Variants in BCAR3 observed in about 807,000 individuals in gnomAD.
BCAR3 encodes BCAR3 adaptor protein, NSP family member.
Under a neutral mutation model 80.1 loss-of-function variants are expected in BCAR3, and 37 were observed. The observed-to-expected ratio is 0.46, with a 90% CI of 0.36 to 0.61. The LOEUF (loss-of-function observed/expected upper bound fraction) is 0.61, where lower values mean the gene tolerates loss of function less well. Among genes scored for constraint, BCAR3 ranks in the 20% least tolerant of loss-of-function variants. The pLI is 0.00. For synonymous variants in BCAR3, 389 were observed against 418.9 expected, an observed-to-expected ratio of 0.93 and a Z score of 0.87; for missense variants, 978 against 1,068.2, an observed-to-expected ratio of 0.92 and a Z score of 1.18.
At chr1:93,815,427 A>T (rs1653982395) in intron 2 of BCAR3, among the ~76,000 whole-genome samples, 1 of 152,212 alleles carries the variant, frequency 6.6e-6, no homozygotes, top group East Asian at 1.9e-4. Flanking sequence ...GAACAGAGGC[A>T]TTTGCAGTAG....
intron 4 of BCAR3, among the ~76,000 whole-genome samples, chr1:93,590,808 C>A (rs999604622): frequency 2.0e-5 from 3 of 152,146 alleles, no homozygotes; most frequent in African/African-American, 7.2e-5. Context: ...ATTAGAAACA[C>A]CCTATGTGTC....
chr1:93,785,788 T>C (rs1652915050), intron 2 of BCAR3, among the ~76,000 whole-genome samples: 1 of 152,254 alleles, frequency 6.6e-6, no homozygotes, highest in Admixed American at 6.5e-5. Flanking sequence ...ACACTTTTTC[T>C]ATCAAATGGT....
At chr1:93,658,482 A>G (rs536625017) in intron 2 of BCAR3, among the ~76,000 whole-genome samples, 17 of 151,736 alleles carry the variant, frequency 1.1e-4, no homozygotes, top group African/African-American at 3.9e-4. Flanking sequence ...CCCCGTCTCT[A>G]CAAAAAAAAA....
intron 2 of BCAR3, among the ~76,000 whole-genome samples, chr1:93,826,819 T>C (rs1654389611): frequency 6.6e-6 from 1 of 152,018 alleles, no homozygotes; most frequent in African/African-American, 2.4e-5. Context: ...CGTGCATGTG[T>C]GCATGCACGT....
At chr1:93,757,287 C>G (rs1180349414) in intron 2 of BCAR3, among the ~76,000 whole-genome samples, 2 of 152,338 alleles carry the variant, frequency 1.3e-5, no homozygotes, top group East Asian at 3.9e-4. Flanking sequence ...GACCTCTCTC[C>G]TCCACACCAC....
chr1:93,804,546 G>C (rs1371870174), intron 2 of BCAR3, among the ~76,000 whole-genome samples: 1 of 152,194 alleles, frequency 6.6e-6, no homozygotes, highest in African/African-American at 2.4e-5. Flanking sequence ...GTGACTAACA[G>C]ACAGGCAGTG....
chr1:93,847,426 G>C (rs1655254530), upstream of BCAR3: 1 of 152,864 alleles, frequency 6.5e-6, no homozygotes, highest in African/African-American at 2.4e-5. Flanking sequence ...GAGACCGAGA[G>C]CCTGCGGCTG....
chr1:93,567,678 T>C, intron 10 of BCAR3, 62 bp downstream of exon 10: 1 of 1,507,304 alleles, frequency 6.6e-7, no homozygotes, highest in Non-Finnish European at 9.2e-7. Context: ...TAACATGCCC[T>C]GTGTACTTGT....
chr1:93,747,397 C>T (rs546897093), intron 2 of BCAR3, among the ~76,000 whole-genome samples: 1 of 150,586 alleles, frequency 6.6e-6, no homozygotes, highest in East Asian at 1.9e-4. Context: ...AGTATAGGGG[C>T]TACCCTCTAC....
At position 93,836,887 on chromosome 1, in the gene BCAR3, A is replaced by AC. The variant is rs200969765; in HGVS notation, c.-63+8679dup. ...AAGCTCCCCTACTGAGCATCTTGTG[A>AC]CCCCCGCCCCTGCCTGCAAGAGAAA... On this transcript the variant is annotated intron_variant, in intron 2 of 13. Transcript: ENST00000370244. Among the ~76,000 whole-genome samples the AC allele has an allele frequency of 3.8e-3, 569 of 151,372 alleles. 31 individuals carry two copies. In the East Asian group the frequency reaches 0.096, roughly 26 times the overall value.
intron 3 of BCAR3, among the ~76,000 whole-genome samples, chr1:93,689,866 C>T (rs1034287002): frequency 2.6e-5 from 4 of 152,166 alleles, no homozygotes; most frequent in Admixed American, 2.0e-4. Context: ...CTCCCCTATA[C>T]AGAAGGAGCC....
At chr1:93,684,490 A>C (rs1169699567), upstream of BCAR3, among the ~76,000 whole-genome samples, 1 of 152,226 alleles carries the variant, frequency 6.6e-6, no homozygotes. Flanking sequence ...ACTGCCTAGC[A>C]CATAGCAGGT....
intron 2 of BCAR3, among the ~76,000 whole-genome samples, chr1:93,826,007 A>G (rs939931485): frequency 6.6e-6 from 1 of 152,238 alleles, no homozygotes; most frequent in African/African-American, 2.4e-5. Flanking sequence ...CTTGATGCAC[A>G]GAAGGAGTTC....
chr1:93,718,415 C>G (rs372095605), intron 2 of BCAR3, among the ~76,000 whole-genome samples: 1 of 152,090 alleles, frequency 6.6e-6, no homozygotes, highest in Non-Finnish European at 1.5e-5. Context: ...GTGTGAGGAG[C>G]GATGCTGGGC....
chr1:93,564,144 A>G (rs1672823847), intron 11 of BCAR3, among the ~76,000 whole-genome samples: 1 of 151,892 alleles, frequency 6.6e-6, no homozygotes, highest in Non-Finnish European at 1.5e-5. Context: ...TGTCTATTCA[A>G]ATTTTTGTCT....
Position 93,584,004 on chromosome 1 carries a change from T to G in BCAR3, c.1033+14A>C, listed in dbSNP as rs781158116. 6.2e-7 allele frequency: 1 copy of G among 1,611,434 alleles called. No homozygotes were observed. Among genetic ancestry groups the G allele is most frequent in the Non-Finnish European group, 8.5e-7 (1 of 1,178,030 alleles). Reference sequence around the variant, plus strand: ...TAACACTGACGTTCTCCCTGAAAATTCCCCGAAACATACCAATCGGCAGGT... The same window carrying G: ...TAACACTGACGTTCTCCCTGAAAATGCCCCGAAACATACCAATCGGCAGGT... On this transcript the variant is annotated intron_variant, in intron 6 of 11. Transcript: ENST00000260502.
intron 2 of BCAR3, among the ~76,000 whole-genome samples, chr1:93,766,254 T>G (rs1652145688): frequency 6.6e-6 from 1 of 152,220 alleles, no homozygotes; most frequent in Non-Finnish European, 1.5e-5. Flanking sequence ...TGACCCCTCC[T>G]AACTCATCCA....
chr1:93,686,868 A>G (rs898924555), intron 3 of BCAR3, among the ~76,000 whole-genome samples: 2 of 152,152 alleles, frequency 1.3e-5, no homozygotes, highest in African/African-American at 2.4e-5. Flanking sequence ...TAGTATCCCT[A>G]TTTTACTGGT....
intron 3 of BCAR3, among the ~76,000 whole-genome samples, chr1:93,604,573 G>T (rs185250768): frequency 6.6e-6 from 1 of 152,318 alleles, no homozygotes; most frequent in East Asian, 1.9e-4. Context: ...AATTACATTA[G>T]AATCATTGTG....
Sources: gnomAD v4.1 joint callset for allele counts (sites outside exome capture counted in the v4.1 genomes callset) on GRCh38, gnomAD v4.1.1 for gene constraint, MANE v1.5 for transcripts, NCBI Gene and HGNC (gene_info 2026-07-23, HGNC 2026-07-21) for gene names.